CAMK2D: variants seen among roughly 807,000 people sequenced by gnomAD.
The protein encoded by CAMK2D is calcium/calmodulin dependent protein kinase II delta.
In CAMK2D, 37 loss-of-function variants were observed where a neutral mutation model predicts 84.0. That is an observed-to-expected ratio of 0.44 (90% CI 0.34 to 0.58). The LOEUF is 0.58. CAMK2D is among the 20% of genes least tolerant of loss of function. The pLI, the probability that CAMK2D is intolerant of heterozygous loss-of-function variation, is 0.02. For synonymous variants in CAMK2D, 202 were observed against 212.5 expected (o/e 0.95, Z 0.43); for missense variants, 448 against 652.5 (o/e 0.69, Z 3.41).
intron 2 of CAMK2D, among the ~76,000 whole-genome samples, chr4:113,664,295 C>T (rs539712946): frequency 6.6e-6 from 1 of 152,338 alleles, no homozygotes; most frequent in South Asian, 2.1e-4. Flanking sequence ...ACACCTCAAA[C>T]TTAGAAGCTT....
intron 13 of CAMK2D, among the ~76,000 whole-genome samples, chr4:113,506,456 T>G (rs1402108757): frequency 6.6e-6 from 1 of 152,186 alleles, no homozygotes; most frequent in Non-Finnish European, 1.5e-5. Flanking sequence ...TAAAACCTTT[T>G]TTTTCCTTTA....
intron 4 of CAMK2D, among the ~76,000 whole-genome samples, chr4:113,590,613 T>A (rs1859152): frequency 6.6e-6 from 1 of 151,998 alleles, no homozygotes; most frequent in Admixed American, 6.6e-5. Flanking sequence ...CCAGTTCTAC[T>A]TTGAAAGCTT....
intron 8 of CAMK2D, among the ~76,000 whole-genome samples, chr4:113,524,576 G>T (rs552633740): frequency 3.9e-5 from 6 of 152,178 alleles, no homozygotes; most frequent in Non-Finnish European, 5.9e-5. Flanking sequence ...CCTCCTGGTT[G>T]TTGTGAATAG....
chr4:113,544,214 C>G (rs898712302), intron 6 of CAMK2D, among the ~76,000 whole-genome samples: 1 of 152,104 alleles, frequency 6.6e-6, no homozygotes, highest in African/African-American at 2.4e-5. Flanking sequence ...TGTACTGCCC[C>G]CTACTCTACA....
intron 2 of CAMK2D, among the ~76,000 whole-genome samples, chr4:113,736,971 G>A (rs902341979): frequency 3.9e-5 from 6 of 151,984 alleles, no homozygotes; most frequent in African/African-American, 7.2e-5. Context: ...AAATAAATAC[G>A]CATCATGATG....
rs58720836 is a variant in CAMK2D, at chr4:113,523,796, T to C, written c.602-6139A>G. Reference sequence around the variant, plus strand: ...CGAAATAAATAAATAAATAAATAAATAAACAAACAAACAAATAAATAAATA... The same window carrying C: ...CGAAATAAATAAATAAATAAATAAACAAACAAACAAACAAATAAATAAATA... On this transcript the variant is annotated intron_variant, in intron 8 of 20. Transcript: ENST00000511664. 8.2e-3 allele frequency among the ~76,000 whole-genome samples: 1,240 copies of C among 151,484 alleles called. 15 individuals are homozygous for C. The highest frequency in any genetic ancestry group is 0.018 in the African/African-American group (731 of 41,170).
intron 16 of CAMK2D, among the ~76,000 whole-genome samples, chr4:113,476,883 G>A (rs1450133731): frequency 6.6e-6 from 1 of 152,048 alleles, no homozygotes; most frequent in Non-Finnish European, 1.5e-5. Context: ...AACCGGTCCT[G>A]CAACCCCCAC....
chr4:113,503,040 G>A, intron 14 of CAMK2D, 63 bp from the exon 15 acceptor site: 1 of 1,160,588 alleles, frequency 8.6e-7, no homozygotes, highest in Non-Finnish European at 1.3e-6. Context: ...TTTCTAGTGT[G>A]AAGGACAGAG....
intron 2 of CAMK2D, among the ~76,000 whole-genome samples, chr4:113,695,559 T>C (rs970409902): frequency 2.0e-5 from 3 of 152,050 alleles, no homozygotes; most frequent in Non-Finnish European, 2.9e-5. Flanking sequence ...AACCTTATCT[T>C]TGAGGCAATT....
At chr4:113,543,367 A>G (rs2098544045) in intron 6 of CAMK2D, among the ~76,000 whole-genome samples, 1 of 143,658 alleles carries the variant, frequency 7.0e-6, no homozygotes, top group Non-Finnish European at 1.5e-5. Context: ...TGCTTTTCAC[A>G]TATGTATATA....
intron 3 of CAMK2D, among the ~76,000 whole-genome samples, chr4:113,642,693 T>C (rs2099137011): frequency 6.6e-6 from 1 of 152,232 alleles, no homozygotes; most frequent in Non-Finnish European, 1.5e-5. Context: ...TAAGGCTGTC[T>C]GTGGAAGCTG....
chr4:113,693,160 T>A (rs2099393257), intron 2 of CAMK2D, among the ~76,000 whole-genome samples: 1 of 151,940 alleles, frequency 6.6e-6, no homozygotes, highest in Admixed American at 6.6e-5. Context: ...GAGTAAGGGG[T>A]CATAAGAAAG....
chr4:113,494,071 C>G (rs1237810066), intron 16 of CAMK2D, among the ~76,000 whole-genome samples: 1 of 152,164 alleles, frequency 6.6e-6, no homozygotes, highest in African/African-American at 2.4e-5. Context: ...TTTTCAACTT[C>G]TTTGCCTTTG....
At position 113,694,149 on chromosome 4, in the gene CAMK2D, T is replaced by C. The variant is rs981855770; in HGVS notation, c.161-32377A>G. ...TACAGGGGTGTAAGAAACAGCCAATTTGCTCAGAGAATGGAAATACCATAT... is the reference window on the plus strand; with the variant it reads ...TACAGGGGTGTAAGAAACAGCCAATCTGCTCAGAGAATGGAAATACCATAT... On this transcript the variant is annotated intron_variant, in intron 2 of 20. Transcript: ENST00000511664. Among the ~76,000 whole-genome samples, 3 of 152,190 alleles carry C rather than the reference T, an allele frequency of 2.0e-5. No individual in the cohort carries two copies. The South Asian group carries it at 6.2e-4, about 31-fold the overall frequency.
chr4:113,581,135 T>C (rs572997919), intron 4 of CAMK2D, among the ~76,000 whole-genome samples: 57 of 152,264 alleles, frequency 3.7e-4, no homozygotes, highest in African/African-American at 1.4e-3. Flanking sequence ...ACAAACAGAA[T>C]AATTTTATTA....
chr4:113,523,470 G>A (rs182685937), intron 8 of CAMK2D, among the ~76,000 whole-genome samples: 183 of 151,728 alleles, frequency 1.2e-3, no homozygotes, highest in Non-Finnish European at 2.0e-3. Context: ...AAAAGGTCCC[G>A]CACAGTGACT....
intron 2 of CAMK2D, among the ~76,000 whole-genome samples, chr4:113,738,833 C>T (rs1035760554): frequency 5.9e-5 from 9 of 151,894 alleles, no homozygotes; most frequent in Admixed American, 2.0e-4. Flanking sequence ...AAAAATTAAT[C>T]GAAGCATTTT....
chr4:113,665,401 AC>A (rs2099253488), intron 2 of CAMK2D, among the ~76,000 whole-genome samples: 1 of 152,222 alleles, frequency 6.6e-6, no homozygotes, highest in Non-Finnish European at 1.5e-5. Flanking sequence ...GTGATTAAAT[AC>A]CTACTACAGT....
At chr4:113,754,041 A>G in intron 2 of CAMK2D, 1 of 885,090 alleles carries the variant, frequency 1.1e-6, no homozygotes. Context: ...TTTATTAAAT[A>G]AACACATAAA....
Sources: allele counts gnomAD v4.1 joint callset (sites outside exome capture counted in the v4.1 genomes callset), GRCh38; gene constraint gnomAD v4.1.1; transcripts MANE v1.5; gene names NCBI Gene and HGNC (gene_info 2026-07-23, HGNC 2026-07-21).